The following CHD9 variants were observed in gnomAD, a reference collection of about 807,000 sequenced individuals.
The protein encoded by CHD9 is ATP-dependent chromatin remodeler CHD9.
In CHD9, 77 loss-of-function variants were observed where a neutral mutation model predicts 316.1. The observed-to-expected ratio is 0.24, with a 90% CI of 0.20 to 0.29. The LOEUF is 0.29. Among genes scored for constraint, CHD9 ranks in the 10% least tolerant of loss-of-function variants. The pLI, the probability that CHD9 is intolerant of heterozygous loss-of-function variation, is 1.00. For missense variants in CHD9, 2,763 were observed against 3,438.1 expected (o/e 0.80, Z 4.91); for synonymous variants, 1,129 against 1,158.3 (o/e 0.97, Z 0.51).
chr16:53,106,525 G>C (rs1452418718), intron 1 of CHD9, among the ~76,000 whole-genome samples: 1 of 152,058 alleles, frequency 6.6e-6, no homozygotes, highest in African/African-American at 2.4e-5. Flanking sequence ...TTTCAAATTA[G>C]GTCTTATTAT....
intron 29 of CHD9, among the ~76,000 whole-genome samples, chr16:53,296,274 G>A (rs1180239387): frequency 6.6e-6 from 1 of 151,936 alleles, no homozygotes; most frequent in Non-Finnish European, 1.5e-5. Flanking sequence ...CTGAAGGGCA[G>A]GATCATCTTA....
intron 1 of CHD9, among the ~76,000 whole-genome samples, chr16:53,100,428 G>A (rs2036753929): frequency 6.8e-6 from 1 of 147,248 alleles, no homozygotes; most frequent in South Asian, 2.2e-4. Context: ...GAATTAGAAA[G>A]CACTCTGAAT....
intron 34 of CHD9, among the ~76,000 whole-genome samples, chr16:53,310,016 T>C (rs1272022160): frequency 6.6e-6 from 1 of 152,244 alleles, no homozygotes; most frequent in Non-Finnish European, 1.5e-5. Context: ...CTAAGTCTAG[T>C]TGCCAAGCAA....
chr16:53,110,568 C>G (rs1180412482), intron 1 of CHD9, among the ~76,000 whole-genome samples: 1 of 152,218 alleles, frequency 6.6e-6, no homozygotes, highest in African/African-American at 2.4e-5. Context: ...TGCAACCAGC[C>G]TGGCCAACAT....
chr16:53,147,405 G>A (rs958933383), intron 1 of CHD9, among the ~76,000 whole-genome samples: 3 of 152,170 alleles, frequency 2.0e-5, no homozygotes, highest in East Asian at 1.9e-4. Flanking sequence ...AGTATACAGC[G>A]CAGTGGCATC....
At chr16:53,153,863 T>A (rs1249705838) in intron 1 of CHD9, among the ~76,000 whole-genome samples, 1 of 152,154 alleles carries the variant, frequency 6.6e-6, no homozygotes, top group Non-Finnish European at 1.5e-5. Context: ...ATTTATGATA[T>A]GATTGAGGAA....
At chr16:53,082,390 G>C (rs577228513) in intron 1 of CHD9, among the ~76,000 whole-genome samples, 1 of 151,908 alleles carries the variant, frequency 6.6e-6, no homozygotes. Context: ...GGCCTTTGCC[G>C]CCACACCCAA....
chr16:53,185,291 G>C (rs1297789238), intron 2 of CHD9, among the ~76,000 whole-genome samples: 1 of 152,212 alleles, frequency 6.6e-6, no homozygotes. Flanking sequence ...GGCCAAAGTG[G>C]TCTCAGATGG....
At chr16:53,273,892 G>T in intron 23 of CHD9, 107 bp downstream of exon 23, 1 of 997,406 alleles carries the variant, frequency 1.0e-6, no homozygotes, top group African/African-American at 1.6e-5. Flanking sequence ...CATGGTCTAG[G>T]GCCAATCCTA....
At chr16:53,239,862 T>C (rs909482432) in intron 12 of CHD9, among the ~76,000 whole-genome samples, 1 of 152,180 alleles carries the variant, frequency 6.6e-6, no homozygotes, top group Non-Finnish European at 1.5e-5. Context: ...TAAGATATCA[T>C]GGACTCCAAA....
At chr16:53,219,220 G>T (rs7202940) in intron 3 of CHD9, among the ~76,000 whole-genome samples, 4,919 of 152,158 alleles carry the variant, frequency 0.032, 98 homozygotes, top group Middle Eastern at 0.071. Context: ...TGAGAGATTG[G>T]ATTGGGTGCA....
chr16:53,280,385 G>A (rs954010833), intron 24 of CHD9, among the ~76,000 whole-genome samples: 1 of 152,014 alleles, frequency 6.6e-6, no homozygotes, highest in Admixed American at 6.6e-5. Context: ...AGCAACCTTG[G>A]GGGATAGGAG....
intron 10 of CHD9, among the ~76,000 whole-genome samples, chr16:53,232,933 TG>T (rs1297121837): frequency 1.3e-5 from 2 of 152,212 alleles, no homozygotes. Flanking sequence ...TCTTGAACTG[TG>T]TTTTTCCTCT....
chr16:53,187,778 T>A, intron 2 of CHD9, among the ~76,000 whole-genome samples: 1 of 152,308 alleles, frequency 6.6e-6, no homozygotes, highest in Admixed American at 6.5e-5. Flanking sequence ...GGAAAAGGAC[T>A]TTTTGTATAT....
chr16:53,255,656 T>C lies in CHD9; in HGVS notation c.4086T>C (p.Gly1362=). The change falls in exon 19 of 39, where the codon GGT becomes GGC. Residue 1362 remains glycine, a synonymous_variant. Transcript: ENST00000447540. The part of the protein sequence containing the change: ...IEDLLRRGAY[G]AIMEEEDEGS... ...ATCTGCTTCGAAGAGGTGCTTATGG[T>C]GCTATTATGGAGGAAGAAGATGAAG... 1 of 1,613,826 alleles carries C rather than the reference T, an allele frequency of 6.2e-7. No individual in the cohort carries two copies. Among genetic ancestry groups the C allele is most frequent in the Non-Finnish European group, 8.5e-7 (1 of 1,179,788 alleles).
chr16:53,112,978 G>A lies in CHD9; in HGVS notation c.-164-42948G>A, dbSNP rs570441949. Among the ~76,000 whole-genome samples the A allele has an allele frequency of 1.9e-4, 29 of 152,256 alleles. No homozygotes were observed. The South Asian group carries it at 4.1e-3, about 22-fold the overall frequency. ...GATGGCACCACTGCACTCCAGCCTAGGTGACAGAGCGAGACCCTCTAAAGA... is the reference window on the plus strand; with the variant it reads ...GATGGCACCACTGCACTCCAGCCTAAGTGACAGAGCGAGACCCTCTAAAGA... On this transcript the variant is annotated intron_variant, in intron 1 of 38. Transcript: ENST00000447540.
chr16:53,222,573 C>T (rs1489913152), intron 3 of CHD9, 71 bp from the exon 4 acceptor site: 2 of 715,944 alleles, frequency 2.8e-6, no homozygotes, highest in Admixed American at 2.6e-5. Context: ...TTTATCATGA[C>T]AATCTTAATT....
At chr16:53,204,204 GTGGTCA>G (rs2045714969) in intron 2 of CHD9, among the ~76,000 whole-genome samples, 1 of 151,548 alleles carries the variant, frequency 6.6e-6, no homozygotes, top group Non-Finnish European at 1.5e-5. Flanking sequence ...TGAGTGTACA[GTGGTCA>G]TGTGATCATT....
Position 53,287,945 on chromosome 16 carries a change from G to A in CHD9, c.5190-12G>A. On this transcript the variant is annotated splice_polypyrimidine_tract_variant and intron_variant, in intron 26 of 38. Coordinates refer to ENST00000447540, the MANE Select transcript of CHD9 (RefSeq NM_001308319.2). ...ATTACAGTAATTATAGCATTTGTTT[G>A]TATTTTAACAGGGATGTGGAAGATC... 6.3e-7 allele frequency: 1 copy of A among 1,598,088 alleles called. No homozygotes were observed. The highest frequency in any genetic ancestry group is 8.6e-7 in the Non-Finnish European group (1 of 1,165,504).
Sources: gnomAD v4.1 joint callset for allele counts (sites outside exome capture counted in the v4.1 genomes callset) on GRCh38, gnomAD v4.1.1 for gene constraint, MANE v1.5 for transcripts, NCBI Gene and HGNC (gene_info 2026-07-23, HGNC 2026-07-21) for gene names.